The following FILIP1L variants were observed in gnomAD, a reference collection of about 807,000 sequenced individuals.
The protein encoded by FILIP1L is filamin A-interacting protein 1-like.
A neutral mutation model predicts 96.6 loss-of-function variants in FILIP1L; 55 were observed. The observed-to-expected ratio is 0.57, with a 90% CI of 0.46 to 0.71. The LOEUF (loss-of-function observed/expected upper bound fraction) is 0.71, where lower values mean the gene tolerates loss of function less well. Ranked by LOEUF, FILIP1L falls within the 30% of genes least tolerant of loss-of-function variation. The pLI, the probability that FILIP1L is intolerant of heterozygous loss-of-function variation, is 0.00. For missense variants in FILIP1L, 1,304 were observed against 1,321.2 expected (o/e 0.99, Z 0.20); for synonymous variants, 467 against 473.9 (o/e 0.99, Z 0.19).
chr3:99,901,882 G>T (rs777382395), intron 4 of FILIP1L, among the ~76,000 whole-genome samples: 1 of 152,072 alleles, frequency 6.6e-6, no homozygotes, highest in Non-Finnish European at 1.5e-5. Flanking sequence ...GGTACCACCT[G>T]CCTTGTCCCT....
chr3:100,091,212 A>G (rs144077784), intron 1 of FILIP1L, among the ~76,000 whole-genome samples: 1,655 of 151,404 alleles, frequency 0.011, 20 homozygotes, highest in African/African-American at 0.025. Context: ...GTGAACCTGG[A>G]AGGCGGAACT....
intron 4 of FILIP1L, among the ~76,000 whole-genome samples, chr3:99,891,995 C>T (rs1449886642): frequency 1.3e-5 from 2 of 152,104 alleles, no homozygotes; most frequent in African/African-American, 4.8e-5. Context: ...AATAATTTTT[C>T]TGATTTTTTC....
At chr3:99,968,572 A>C (rs189331640) in intron 1 of FILIP1L, among the ~76,000 whole-genome samples, 289 of 152,330 alleles carry the variant, frequency 1.9e-3, no homozygotes, top group Non-Finnish European at 3.1e-3. Context: ...GTGGTGTTTA[A>C]AATCAAGAGC....
chr3:100,066,413 C>T (rs899533476), intron 1 of FILIP1L, among the ~76,000 whole-genome samples: 2 of 149,344 alleles, frequency 1.3e-5, no homozygotes, highest in Non-Finnish European at 3.0e-5. Flanking sequence ...TGTAGGCAGT[C>T]ATTTGCCATG....
chr3:99,924,063 T>G (rs1485583515), intron 4 of FILIP1L, among the ~76,000 whole-genome samples, 167 bp downstream of exon 4: 1 of 152,216 alleles, frequency 6.6e-6, no homozygotes, highest in African/African-American at 2.4e-5. Flanking sequence ...TGGTTATCCA[T>G]ACATTGTACT....
chr3:99,940,094 T>A (rs1043013643), intron 1 of FILIP1L, among the ~76,000 whole-genome samples: 2 of 152,190 alleles, frequency 1.3e-5, no homozygotes, highest in African/African-American at 4.8e-5. Context: ...CAAAAAGAAA[T>A]ATAAAAATCT....
chr3:99,971,973 A>T (rs1025663103), intron 1 of FILIP1L, among the ~76,000 whole-genome samples: 2 of 152,258 alleles, frequency 1.3e-5, no homozygotes, highest in Non-Finnish European at 2.9e-5. Flanking sequence ...TGGATTAGTC[A>T]TAAAATTAGC....
At chr3:100,007,212 C>T (rs1037635667) in intron 1 of FILIP1L, among the ~76,000 whole-genome samples, 1 of 152,098 alleles carries the variant, frequency 6.6e-6, no homozygotes, top group South Asian at 2.1e-4. Context: ...TTTCTATTTT[C>T]TCTTCATGAC....
intron 1 of FILIP1L, among the ~76,000 whole-genome samples, chr3:99,992,373 T>C (rs1402959494): frequency 2.0e-5 from 3 of 152,182 alleles, no homozygotes; most frequent in East Asian, 1.9e-4. Context: ...CTGACTGATA[T>C]AAGGGAGTAT....
chr3:99,840,747 C>G (rs147618785), intron 5 of FILIP1L, among the ~76,000 whole-genome samples: 303 of 152,326 alleles, frequency 2.0e-3, no homozygotes, highest in African/African-American at 6.8e-3. Flanking sequence ...TCTTAAAGAT[C>G]ACCAAGTTCA....
chr3:100,031,961 A>G (rs2065028697), intron 1 of FILIP1L, among the ~76,000 whole-genome samples: 1 of 151,948 alleles, frequency 6.6e-6, no homozygotes, highest in Non-Finnish European at 1.5e-5. Context: ...TTAAATTTGA[A>G]TTTTATGTAT....
At chr3:99,913,593 TAAAA>T (rs1204896971) in intron 4 of FILIP1L, among the ~76,000 whole-genome samples, 1 of 152,080 alleles carries the variant, frequency 6.6e-6, no homozygotes, top group Non-Finnish European at 1.5e-5. Context: ...TGCAACCACT[TAAAA>T]AAAGAATAGA....
At position 100,092,464 on chromosome 3, in the gene FILIP1L, G is replaced by A. The variant is rs540443213; in HGVS notation, c.-11+21589C>T. 7.2e-5 allele frequency among the ~76,000 whole-genome samples: 11 copies of A among 152,016 alleles called. No individual in the cohort carries two copies. In the South Asian group the frequency reaches 1.9e-3, roughly 26 times the overall value. On this transcript the variant is annotated intron_variant, in intron 1 of 5. Coordinates refer to ENST00000477258, the MANE Select transcript of FILIP1L (RefSeq NM_001387850.1). ...GGAAAAGCCAATATGAATGTAGTTG[G>A]ATTCTCAGGCAGCTGAAAAATAAAG... is the stretch of plus-strand genomic sequence containing the variant.
At chr3:100,012,409 A>G (rs1710184138) in intron 1 of FILIP1L, among the ~76,000 whole-genome samples, 1 of 152,144 alleles carries the variant, frequency 6.6e-6, no homozygotes, top group Admixed American at 6.6e-5. Flanking sequence ...TATTATTTGT[A>G]TTTTTCAAAA....
At chr3:100,051,265 A>G (rs563974396) in intron 1 of FILIP1L, 1 of 152,206 alleles carries the variant, frequency 6.6e-6, no homozygotes, top group East Asian at 1.9e-4. Flanking sequence ...CCACCTCAAT[A>G]TATGCTGTGC....
chr3:99,882,138 C>T (rs950871877), intron 4 of FILIP1L, among the ~76,000 whole-genome samples: 1 of 152,052 alleles, frequency 6.6e-6, no homozygotes, highest in African/African-American at 2.4e-5. Flanking sequence ...TGAAATGGTC[C>T]TAGAAAGCCT....
At chr3:99,993,839 A>G (rs903768819) in intron 1 of FILIP1L, among the ~76,000 whole-genome samples, 16 of 152,076 alleles carry the variant, frequency 1.1e-4, no homozygotes, top group African/African-American at 3.9e-4. Flanking sequence ...TGATCATGAT[A>G]TATTATCTTT....
chr3:99,950,377 T>C (rs1576595331), intron 1 of FILIP1L, among the ~76,000 whole-genome samples: 2 of 152,212 alleles, frequency 1.3e-5, no homozygotes, highest in East Asian at 1.9e-4. Context: ...CTTATTTCTA[T>C]GGGTAGGGAA....
intron 4 of FILIP1L, among the ~76,000 whole-genome samples, chr3:99,909,483 CA>C (rs1706723813): frequency 6.6e-6 from 1 of 152,042 alleles, no homozygotes; most frequent in Non-Finnish European, 1.5e-5. Flanking sequence ...TACTTGTTAA[CA>C]AATTTGTGAA....
Sources: gnomAD v4.1 joint callset for allele counts (sites outside exome capture counted in the v4.1 genomes callset) on GRCh38, gnomAD v4.1.1 for gene constraint, MANE v1.5 for transcripts, NCBI Gene and HGNC (gene_info 2026-07-23, HGNC 2026-07-21) for gene names.